ZNF680: variants seen among roughly 807,000 people sequenced by gnomAD.
ZNF680 encodes hypothetical protein FLJ90430.
In ZNF680, 6 loss-of-function variants were observed where a neutral mutation model predicts 12.1. The observed-to-expected ratio is 0.49, with a 90% CI of 0.27 to 0.98. The LOEUF is 0.98. Ranked by LOEUF, ZNF680 falls within the 50% of genes least tolerant of loss-of-function variation. The pLI is 0.12. For synonymous variants in ZNF680, 170 were observed against 199.3 expected (o/e 0.85, Z 1.24); for missense variants, 561 against 616.3 (o/e 0.91, Z 0.95).
chr7:64,505,668 G>A, the ZNF680 span, among the ~76,000 whole-genome samples: 2 of 152,082 alleles, frequency 1.3e-5, no homozygotes, highest in Non-Finnish European at 2.9e-5. Context: ...CTTTCATCCA[G>A]GTTGTTTCTT....
chr7:64,522,243 T>G lies in ZNF680; in HGVS notation c.511A>C (p.Ser171Arg). Residue 171 changes from serine to arginine, a missense_variant, in exon 4 of 4, where the codon AGT (serine) becomes CGT (arginine). Coordinates refer to ENST00000309683, the MANE Select transcript of ZNF680 (RefSeq NM_178558.5). ...TTTCCAGTATTTCTTTTCTTATGACTGTTTGAATTTGAAAATTTATGAAAG... is the reference window on the plus strand; with the variant it reads ...TTTCCAGTATTTCTTTTCTTATGACGGTTTGAATTTGAAAATTTATGAAAG... The part of the protein sequence containing the change: ...KVFHKFSNSN[S>R]HKKRNTGKKV... 1 of 1,612,714 alleles carries G rather than the reference T, an allele frequency of 6.2e-7. No individual in the cohort carries two copies. Among genetic ancestry groups the G allele is most frequent in the Non-Finnish European group, 8.5e-7 (1 of 1,179,240 alleles).
chr7:64,536,992 C>T (rs959637666), intron 3 of ZNF680, among the ~76,000 whole-genome samples: 5 of 152,116 alleles, frequency 3.3e-5, no homozygotes, highest in Non-Finnish European at 7.4e-5. Flanking sequence ...ATCACTTGAG[C>T]CCAGGAGGCT....
chr7:64,500,745 T>A, the ZNF680 span: 1 of 284,856 alleles, frequency 3.5e-6, no homozygotes, highest in South Asian at 4.3e-5. Flanking sequence ...ACGTAGAACC[T>A]GGGAGTAGGA....
intron 3 of ZNF680, among the ~76,000 whole-genome samples, chr7:64,532,113 A>G (rs562631427): frequency 4.0e-4 from 61 of 152,208 alleles, no homozygotes; most frequent in East Asian, 1.4e-3. Flanking sequence ...AGACCATCCT[A>G]GCTAACACGG....
intron 1 of ZNF680, among the ~76,000 whole-genome samples, chr7:64,559,483 T>C (rs1787605469): frequency 6.6e-6 from 1 of 151,932 alleles, no homozygotes; most frequent in African/African-American, 2.4e-5. Flanking sequence ...GGTTTTTTTT[T>C]TTTGCTGTTG....
chr7:64,547,097 G>A (rs1403859039), intron 1 of ZNF680, among the ~76,000 whole-genome samples: 1 of 152,026 alleles, frequency 6.6e-6, no homozygotes, highest in Non-Finnish European at 1.5e-5. Context: ...TAACCACTTA[G>A]CTAAGCATTG....
the ZNF680 span, among the ~76,000 whole-genome samples, chr7:64,503,638 G>A: frequency 6.6e-6 from 1 of 152,022 alleles, no homozygotes; most frequent in Non-Finnish European, 1.5e-5. Flanking sequence ...ACCTTGCCTC[G>A]CAAAGTGCTG....
intron 3 of ZNF680, among the ~76,000 whole-genome samples, chr7:64,524,140 A>G (rs1791702370): frequency 6.9e-6 from 1 of 145,052 alleles, no homozygotes; most frequent in Non-Finnish European, 1.5e-5. Context: ...CAAAGAGACA[A>G]AGAAGAATTT....
At chr7:64,547,217 T>A (rs991037143) in intron 1 of ZNF680, among the ~76,000 whole-genome samples, 2 of 152,136 alleles carry the variant, frequency 1.3e-5, no homozygotes, top group African/African-American at 4.8e-5. Context: ...TTTAAACAAA[T>A]CCTCTGTCAA....
chr7:64,559,039 T>C (rs926034576), intron 1 of ZNF680, among the ~76,000 whole-genome samples: 1 of 152,154 alleles, frequency 6.6e-6, no homozygotes, highest in Non-Finnish European at 1.5e-5. Flanking sequence ...TCAGTGAATC[T>C]ATATTTTACA....
At chr7:64,501,599 G>A in the ZNF680 span, 15 of 779,738 alleles carry the variant, frequency 1.9e-5, no homozygotes, top group Non-Finnish European at 3.2e-5. Flanking sequence ...ACTCTGCTGA[G>A]GAGGGGGATC....
chr7:64,552,084 C>T (rs1187693391), intron 1 of ZNF680: 2 of 152,152 alleles, frequency 1.3e-5, no homozygotes, highest in African/African-American at 2.4e-5. Context: ...AATGGAGTCT[C>T]GTTCTGTCAC....
At chr7:64,499,228 G>C in the ZNF680 span, among the ~76,000 whole-genome samples, 1 of 151,998 alleles carries the variant, frequency 6.6e-6, no homozygotes, top group African/African-American at 2.4e-5. Context: ...ATTCAGACAA[G>C]GCTTTCAGTG....
chr7:64,517,692 T>TA (rs950102841), downstream of ZNF680, among the ~76,000 whole-genome samples: 30 of 147,392 alleles, frequency 2.0e-4, no homozygotes, highest in East Asian at 3.9e-4. Flanking sequence ...TAAAATCCTT[T>TA]AAAAAAAAAA....
At chr7:64,559,428 G>A (rs1178538143) in intron 1 of ZNF680, among the ~76,000 whole-genome samples, 3 of 152,012 alleles carry the variant, frequency 2.0e-5, no homozygotes, top group Non-Finnish European at 4.4e-5. Flanking sequence ...AGCAAGTCTG[G>A]AGCACAGGCG....
chr7:64,551,764 GCT>G (rs1787091770), intron 1 of ZNF680: 1 of 153,758 alleles, frequency 6.5e-6, no homozygotes, highest in African/African-American at 2.4e-5. Flanking sequence ...GAGAAAAACA[GCT>G]CTCAGTCTCA....
chr7:64,553,278 T>C (rs566773850), intron 1 of ZNF680, among the ~76,000 whole-genome samples: 2 of 150,640 alleles, frequency 1.3e-5, no homozygotes, highest in East Asian at 1.9e-4. Flanking sequence ...CCTAGATTAA[T>C]ATGATTTATA....
intron 3 of ZNF680, among the ~76,000 whole-genome samples, chr7:64,530,438 C>G (rs1785798875): frequency 2.6e-5 from 4 of 152,116 alleles, no homozygotes; most frequent in Admixed American, 2.6e-4. Context: ...CATAAGAACT[C>G]ACATAAAATT....
At chr7:64,510,742 C>T in the ZNF680 span, among the ~76,000 whole-genome samples, 608 of 131,792 alleles carry the variant, frequency 4.6e-3, 19 homozygotes, top group African/African-American at 0.016. Context: ...AACCCCGTCT[C>T]TACTAAAAAT....
Sources: gnomAD v4.1 joint callset for allele counts (sites outside exome capture counted in the v4.1 genomes callset) on GRCh38, gnomAD v4.1.1 for gene constraint, MANE v1.5 for transcripts, NCBI Gene and HGNC (gene_info 2026-07-23, HGNC 2026-07-21) for gene names.